Variants in CPS1 observed in about 807,000 individuals in gnomAD.
CPS1 encodes the protein carbamoyl-phosphate synthase [ammonia], mitochondrial.
In CPS1, 109 loss-of-function variants were observed where a neutral mutation model predicts 174.6. The ratio of observed to expected loss-of-function variants is 0.62; its 90% CI spans 0.53 to 0.73. The LOEUF (loss-of-function observed/expected upper bound fraction) is 0.73, where lower values mean the gene tolerates loss of function less well. CPS1 is among the 30% of genes least tolerant of loss of function. CPS1 has a pLI of 0.00. For missense variants in CPS1, 1,689 were observed against 1,821.9 expected, an observed-to-expected ratio of 0.93 and a Z score of 1.33; for synonymous variants, 637 against 632.0, an observed-to-expected ratio of 1.01 and a Z score of -0.12.
intron 1 of CPS1, among the ~76,000 whole-genome samples, chr2:210,564,551 T>G (rs1406542411): frequency 6.6e-6 from 1 of 152,120 alleles, no homozygotes; most frequent in East Asian, 1.9e-4. Context: ...AATTTTTTTG[T>G]ATTTTTAGTA....
chr2:210,668,346 A>G lies in CPS1; in HGVS notation c.4101+62A>G, dbSNP rs10932347. On this transcript the variant is annotated intron_variant, in intron 34 of 37. Transcript: ENST00000233072. ...TACATGGTGAGTGGGGAGGGGCAGG[A>G]TAGAATGTTAATTGTGGTATAGAGG... 1,071,945 of 1,120,214 alleles carry G rather than the reference A, an allele frequency of 0.96. 513,166 individuals are homozygous for G. The highest frequency in any genetic ancestry group is 1 in the East Asian group (42,598 of 42,600). 69.4% of individuals were successfully genotyped at this position (1,120,214 alleles called of 1,614,324 possible).
chr2:210,556,962 C>G, intron 1 of CPS1, 103 bp downstream of exon 1: 5 of 1,297,380 alleles, frequency 3.9e-6, no homozygotes, highest in Non-Finnish European at 5.6e-6. Context: ...GAATGTAGCT[C>G]TGAAGTACTA....
intron 1 of CPS1, among the ~76,000 whole-genome samples, chr2:210,530,213 A>G (rs527748052): frequency 2.0e-5 from 3 of 152,056 alleles, no homozygotes; most frequent in African/African-American, 4.8e-5. Flanking sequence ...TCTATTGTTA[A>G]GTAATACAGT....
intron 15 of CPS1, among the ~76,000 whole-genome samples, chr2:210,601,638 G>A (rs1003023967): frequency 1.3e-5 from 2 of 151,934 alleles, no homozygotes; most frequent in African/African-American, 4.8e-5. Context: ...CCCATTGGTA[G>A]TGTAATAATA....
At chr2:210,502,413 T>A (rs554233217) in intron 1 of CPS1, among the ~76,000 whole-genome samples, 3 of 146,352 alleles carry the variant, frequency 2.0e-5, no homozygotes, top group South Asian at 4.2e-4. Context: ...TATATATATA[T>A]AATATATATA....
At position 210,599,562 on chromosome 2, in the gene CPS1, G is replaced by A. The variant is rs774484322; in HGVS notation, c.1549+1G>A. ...GGTGGCCAGACAGCTCTGAACTGTG[G>A]TGAGTTCTTATAAGCTTAATTGCAG... On this transcript the variant is annotated splice_donor_variant, in intron 14 of 37. Coordinates refer to ENST00000233072, the MANE Select transcript of CPS1 (RefSeq NM_001875.5). LOFTEE classifies it high-confidence loss of function. 1.9e-6 allele frequency: 3 copies of A among 1,612,064 alleles called. No individual in the cohort carries two copies. The highest frequency in any genetic ancestry group is 2.2e-5 in the East Asian group (1 of 44,816).
intron 12 of CPS1, 77 bp downstream of exon 12, chr2:210,594,683 A>C: frequency 1.1e-6 from 1 of 941,654 alleles, no homozygotes; most frequent in East Asian, 2.5e-5. Flanking sequence ...AAACTAAGTG[A>C]TGTAAGGCAT....
chr2:210,631,836 CAA>C (rs989813214), intron 21 of CPS1, among the ~76,000 whole-genome samples: 7 of 152,010 alleles, frequency 4.6e-5, no homozygotes, highest in African/African-American at 1.7e-4. Flanking sequence ...TGTATATGTT[CAA>C]AAGAGTAAAA....
chr2:210,536,675 T>C (rs1380535437), intron 1 of CPS1, among the ~76,000 whole-genome samples: 1 of 152,142 alleles, frequency 6.6e-6, no homozygotes, highest in Admixed American at 6.5e-5. Context: ...GCAATCCAAA[T>C]TGAGCTAGTA....
intron 6 of CPS1, among the ~76,000 whole-genome samples, chr2:210,586,406 T>A (rs550511393): frequency 6.6e-6 from 1 of 152,108 alleles, no homozygotes; most frequent in African/African-American, 2.4e-5. Context: ...GTGAAATGAT[T>A]TAGTTTGAAA....
chr2:210,579,869 T>C, intron 5 of CPS1, 99 bp downstream of exon 5: 4 of 958,444 alleles, frequency 4.2e-6, no homozygotes, highest in East Asian at 4.8e-5. Flanking sequence ...TCCATTAATA[T>C]GTAAAGGAGT....
At chr2:210,518,122 G>T (rs1353695140) in intron 1 of CPS1, among the ~76,000 whole-genome samples, 3 of 151,978 alleles carry the variant, frequency 2.0e-5, no homozygotes, top group Non-Finnish European at 4.4e-5. Context: ...GTTGTGGTCT[G>T]TTGTGTCTTT....
At chr2:210,499,953 G>A (rs1467016161) in intron 1 of CPS1, among the ~76,000 whole-genome samples, 1 of 152,118 alleles carries the variant, frequency 6.6e-6, no homozygotes, top group African/African-American at 2.4e-5. Flanking sequence ...TAATTTATAA[G>A]GAAAAAAGGT....
At chr2:210,594,964 AT>A (rs1420514903) in intron 12 of CPS1, among the ~76,000 whole-genome samples, 1 of 151,944 alleles carries the variant, frequency 6.6e-6, no homozygotes, top group Non-Finnish European at 1.5e-5. Flanking sequence ...AGATGATAGA[AT>A]TCTTTTTGTT....
chr2:210,667,265 G>A (rs1018741728), intron 33 of CPS1, among the ~76,000 whole-genome samples: 15 of 152,036 alleles, frequency 9.9e-5, no homozygotes, highest in South Asian at 2.1e-4. Flanking sequence ...CAATCATGTC[G>A]TCTGCAAACA....
intron 1 of CPS1, among the ~76,000 whole-genome samples, chr2:210,512,164 A>G (rs1672665714): frequency 6.6e-6 from 1 of 152,046 alleles, no homozygotes; most frequent in Non-Finnish European, 1.5e-5. Context: ...GGTGACTTTT[A>G]TGTGTGCAAA....
rs969147668 is a variant in CPS1, at chr2:210,586,041, A to T, written c.622-2017A>T. Among the ~76,000 whole-genome samples the T allele has an allele frequency of 3.3e-5, 5 of 151,818 alleles. No homozygotes were observed. In the Admixed American group the frequency reaches 3.3e-4, roughly 10 times the overall value. On this transcript the variant is annotated intron_variant, in intron 6 of 37. Coordinates refer to ENST00000233072, the MANE Select transcript of CPS1 (RefSeq NM_001875.5). ...CAGCGTGAGAGTTTTTAAAGGCTTT[A>T]AAAAAAGTTATTAAAAGAGTAAAAC...
Position 210,588,185 on chromosome 2 carries a change from A to G in CPS1, c.711+38A>G, listed in dbSNP as rs375610226. ...TTCATTTCAAAGGTGAGGGTTTGTC[A>G]TATTGACCATTAGTGTTCAGCTAAT... On this transcript the variant is annotated intron_variant, in intron 7 of 37. Transcript: ENST00000233072. 906 of 1,554,416 alleles carry G rather than the reference A, an allele frequency of 5.8e-4. 1 individual carries two copies. Among genetic ancestry groups the G allele is most frequent in the Non-Finnish European group, 7.2e-4 (806 of 1,126,260 alleles).
At chr2:210,611,682 T>C (rs1390730075) in intron 19 of CPS1, among the ~76,000 whole-genome samples, 1 of 151,988 alleles carries the variant, frequency 6.6e-6, no homozygotes, top group Non-Finnish European at 1.5e-5. Flanking sequence ...TGACTGATAC[T>C]CATTTACAAA....
Sources: gnomAD v4.1 joint callset for allele counts (sites outside exome capture counted in the v4.1 genomes callset) on GRCh38, gnomAD v4.1.1 for gene constraint, MANE v1.5 for transcripts, NCBI Gene and HGNC (gene_info 2026-07-23, HGNC 2026-07-21) for gene names.